Variants in SYN2 observed in about 807,000 individuals in gnomAD.
SYN2 encodes the protein synapsin-2.
In SYN2, 19 loss-of-function variants were observed where a neutral mutation model predicts 50.9. That is an observed-to-expected ratio of 0.37 (90% CI 0.26 to 0.55). The LOEUF is 0.55. SYN2 is among the 20% of genes least tolerant of loss of function. The probability of loss-of-function intolerance (pLI) is 0.81; values close to 1 mark genes in which losing one functional copy is unlikely to be tolerated. For synonymous variants in SYN2, 255 were observed against 224.9 expected (o/e 1.13, Z -1.20); for missense variants, 587 against 576.4 (o/e 1.02, Z -0.19).
intron 1 of SYN2, among the ~76,000 whole-genome samples, chr3:12,079,906 A>G (rs1179189335): frequency 6.6e-6 from 1 of 152,122 alleles, no homozygotes; most frequent in Non-Finnish European, 1.5e-5. Flanking sequence ...CCTCTGTTAG[A>G]ATTCAGCTGT....
At chr3:12,097,613 A>C (rs986938940) in intron 1 of SYN2, among the ~76,000 whole-genome samples, 5 of 151,982 alleles carry the variant, frequency 3.3e-5, no homozygotes, top group Non-Finnish European at 4.4e-5. Context: ...CTCAACAAAA[A>C]AAAAAAAAAG....
At chr3:12,075,301 A>C (rs539778312) in intron 1 of SYN2, among the ~76,000 whole-genome samples, 1 of 152,330 alleles carries the variant, frequency 6.6e-6, no homozygotes, top group Non-Finnish European at 1.5e-5. Context: ...GGTTGTTTTC[A>C]TAACATAGAG....
At chr3:12,100,962 A>G (rs1321372451) in intron 1 of SYN2, among the ~76,000 whole-genome samples, 1 of 152,158 alleles carries the variant, frequency 6.6e-6, no homozygotes, top group Non-Finnish European at 1.5e-5. Flanking sequence ...TTGTTATAAT[A>G]AAAAAGATGG....
At chr3:12,045,454 T>G (rs1324290944) in intron 1 of SYN2, among the ~76,000 whole-genome samples, 2 of 152,212 alleles carry the variant, frequency 1.3e-5, no homozygotes, top group Non-Finnish European at 2.9e-5. Context: ...GTTAAATAAG[T>G]AAATGTCTCT....
At chr3:12,146,298 A>G (rs1415583282) in intron 4 of SYN2, among the ~76,000 whole-genome samples, 2 of 152,242 alleles carry the variant, frequency 1.3e-5, no homozygotes, top group African/African-American at 4.8e-5. Flanking sequence ...GAGTCCTACC[A>G]AGTGGTTCAG....
chr3:12,018,927 G>A (rs2125134421), intron 1 of SYN2, among the ~76,000 whole-genome samples: 1 of 152,280 alleles, frequency 6.6e-6, no homozygotes, highest in South Asian at 2.1e-4. Flanking sequence ...ATGAGAGTAA[G>A]AACTTAGGGG....
chr3:12,044,860 A>G (rs1249969547), intron 1 of SYN2, among the ~76,000 whole-genome samples: 1 of 152,204 alleles, frequency 6.6e-6, no homozygotes, highest in East Asian at 1.9e-4. Flanking sequence ...TATTGAGTAC[A>G]ATTGTGTGCT....
intron 1 of SYN2, among the ~76,000 whole-genome samples, chr3:12,137,767 G>A (rs1435046593): frequency 6.6e-6 from 1 of 152,086 alleles, no homozygotes; most frequent in Non-Finnish European, 1.5e-5. Context: ...ATGTATGCAG[G>A]TATAGCCACA....
At chr3:12,110,918 G>T (rs902535023) in intron 1 of SYN2, among the ~76,000 whole-genome samples, 1 of 152,212 alleles carries the variant, frequency 6.6e-6, no homozygotes, top group Non-Finnish European at 1.5e-5. Context: ...GAAGGGACTT[G>T]CCTTGTCTTG....
intron 10 of SYN2, among the ~76,000 whole-genome samples, chr3:12,179,892 G>A (rs779761790): frequency 1.3e-5 from 2 of 152,152 alleles, no homozygotes; most frequent in African/African-American, 2.4e-5. Flanking sequence ...ATTACAGACT[G>A]ACACCCTTTG....
At chr3:12,161,263 C>T (rs1409160406) in intron 5 of SYN2, among the ~76,000 whole-genome samples, 2 of 152,064 alleles carry the variant, frequency 1.3e-5, no homozygotes, top group African/African-American at 4.8e-5. Flanking sequence ...GCCAGTCCTG[C>T]CCAGGTTTTG....
chr3:12,008,191 C>T (rs946844611), intron 1 of SYN2, among the ~76,000 whole-genome samples: 6 of 152,220 alleles, frequency 3.9e-5, no homozygotes, highest in South Asian at 2.1e-4. Context: ...GCCTTTGTTC[C>T]GGAGATTCTG....
chr3:12,090,764 G>C (rs959697751), intron 1 of SYN2, among the ~76,000 whole-genome samples: 1 of 152,120 alleles, frequency 6.6e-6, no homozygotes, highest in African/African-American at 2.4e-5. Flanking sequence ...TTATCTGATT[G>C]TGTCACTGAC....
Position 12,191,653 on chromosome 3 carries a change from C to T in SYN2, c.*1028C>T, listed in dbSNP as rs576866979. On this transcript the variant is annotated 3_prime_UTR_variant, in exon 13 of 13. Transcript: ENST00000621198. ...ACCTCCCCAGTGAATCTGTCTCCTCCAAGACACCTAGCCTTCCTTCAGCAA... is the reference window on the plus strand; with the variant it reads ...ACCTCCCCAGTGAATCTGTCTCCTCTAAGACACCTAGCCTTCCTTCAGCAA... Among the ~76,000 whole-genome samples, 35 of 152,212 alleles carry T rather than the reference C, an allele frequency of 2.3e-4. No individual in the cohort carries two copies. Among genetic ancestry groups the T allele is most frequent in the Non-Finnish European group, 4.4e-4 (30 of 68,034 alleles).
chr3:12,170,959 T>C (rs1212610075), intron 10 of SYN2, among the ~76,000 whole-genome samples: 1 of 152,236 alleles, frequency 6.6e-6, no homozygotes, highest in Non-Finnish European at 1.5e-5. Context: ...TCTCTGGATC[T>C]CAAGTTTCCC....
chr3:12,007,772 TAC>T (rs1382207443), intron 1 of SYN2, among the ~76,000 whole-genome samples: 2 of 152,222 alleles, frequency 1.3e-5, no homozygotes, highest in Admixed American at 1.3e-4. Context: ...GCATCCTTAA[TAC>T]AACAGCAGTT....
chr3:12,094,152 G>A (rs1467261895), intron 1 of SYN2, among the ~76,000 whole-genome samples: 1 of 151,970 alleles, frequency 6.6e-6, no homozygotes, highest in East Asian at 1.9e-4. Flanking sequence ...ACCGTGCCTG[G>A]CCCCTGCAAT....
intron 5 of SYN2, chr3:12,156,761 C>G (rs149621171): frequency 4.9e-6 from 7 of 1,420,612 alleles, no homozygotes; most frequent in Non-Finnish European, 6.9e-6. Context: ...TCCTTTCTCA[C>G]TACCTCCCCT....
At chr3:12,137,270 G>A (rs746506340) in intron 1 of SYN2, among the ~76,000 whole-genome samples, 4 of 149,686 alleles carry the variant, frequency 2.7e-5, no homozygotes, top group Admixed American at 2.0e-4. Context: ...AAAAAAGTCC[G>A]TACTGGGCAT....
Sources: allele counts gnomAD v4.1 joint callset (sites outside exome capture counted in the v4.1 genomes callset), GRCh38; gene constraint gnomAD v4.1.1; transcripts MANE v1.5; gene names NCBI Gene and HGNC (gene_info 2026-07-23, HGNC 2026-07-21).